Variants in CHL1 observed in about 807,000 individuals in gnomAD.
CHL1 encodes cell adhesion molecule L1 like, also known as neural cell adhesion molecule L1-like protein.
A neutral mutation model predicts 141.9 loss-of-function variants in CHL1; 96 were observed. The observed-to-expected ratio is 0.68, with a 90% CI of 0.57 to 0.80. The LOEUF (loss-of-function observed/expected upper bound fraction) is 0.80, where lower values mean the gene tolerates loss of function less well. CHL1 is among the 30% of genes least tolerant of loss of function. The pLI, the probability that CHL1 is intolerant of heterozygous loss-of-function variation, is 0.00. For synonymous variants in CHL1, 613 were observed against 502.2 expected (o/e 1.22, Z -2.95); for missense variants, 1,820 against 1,457.2 (o/e 1.25, Z -4.05).
At chr3:323,631 C>T (rs575470345) in intron 3 of CHL1, among the ~76,000 whole-genome samples, 26 of 152,196 alleles carry the variant, frequency 1.7e-4, no homozygotes, top group South Asian at 4.1e-4. Flanking sequence ...TATCTGTGTA[C>T]GGCTGGATTT....
chr3:224,509 T>G (rs1287714744), intron 1 of CHL1, among the ~76,000 whole-genome samples: 1 of 152,030 alleles, frequency 6.6e-6, no homozygotes, highest in Non-Finnish European at 1.5e-5. Context: ...TCTGGTTGTT[T>G]AAAAGTAGGT....
chr3:351,540 CT>C (rs1479613786), intron 10 of CHL1, among the ~76,000 whole-genome samples: 4 of 152,070 alleles, frequency 2.6e-5, no homozygotes, highest in Admixed American at 6.6e-5. Flanking sequence ...TTCTGCCTTC[CT>C]GCACCCTCTC....
chr3:245,442 G>C (rs1387439887), intron 2 of CHL1, among the ~76,000 whole-genome samples: 1 of 152,058 alleles, frequency 6.6e-6, no homozygotes, highest in Admixed American at 6.6e-5. Context: ...CACTGGGTTT[G>C]GTCCATAGCA....
At chr3:250,510 A>C (rs1315281309) in intron 2 of CHL1, among the ~76,000 whole-genome samples, 3 of 151,990 alleles carry the variant, frequency 2.0e-5, no homozygotes, top group African/African-American at 4.8e-5. Flanking sequence ...CTATCTCAGT[A>C]CTGAGTTTCT....
rs970572041 is a variant in CHL1, at chr3:398,938, T to C, written c.3254-79T>C. On this transcript the variant is annotated intron_variant, in intron 25 of 27. Transcript: ENST00000256509. Reference sequence around the variant, plus strand: ...TACTATTTGGTATGTTTAAAAATGATGTCTAATTTTCCCCAATGTTACAGA... The same window carrying C: ...TACTATTTGGTATGTTTAAAAATGACGTCTAATTTTCCCCAATGTTACAGA... 1.7e-5 allele frequency: 23 copies of C among 1,334,100 alleles called. No individual in the cohort carries two copies. In the South Asian group the frequency reaches 2.9e-4, roughly 17 times the overall value. 82.6% of individuals were successfully genotyped at this position (1,334,100 alleles called of 1,614,324 possible). A position where few individuals can be genotyped will look rare whatever the true frequency, so the allele number is the denominator to read the frequency against.
chr3:225,533 C>T lies in CHL1; in HGVS notation c.-174-19080C>T, dbSNP rs192570835. Among the ~76,000 whole-genome samples, 404 of 152,288 alleles carry T rather than the reference C, an allele frequency of 2.7e-3. 3 individuals carry two copies. Among genetic ancestry groups the T allele is most frequent in the African/African-American group, 9.4e-3 (391 of 41,554 alleles). ...GAATTAAGAATTAATTGTTAAAACA[C>T]ATCTTTATATTTCTTTATGAGACAA... On this transcript the variant is annotated intron_variant, in intron 1 of 27. Transcript: ENST00000256509.
Position 360,386 on chromosome 3 carries a change from A to G in CHL1, c.1268A>G (p.His423Arg), listed in dbSNP as rs774707111. ...AVYQCEASNV[H>R]GTILANANID... ...TACCAGTGTGAAGCCTCAAATGTCC[A>G]TGGAACTATCCTTGCCAATGCCAAT... Residue 423 changes from histidine to arginine, a missense_variant, in exon 12 of 28, where the codon CAT becomes CGT. By Grantham distance (29) the His-to-Arg change is conservative. Coordinates refer to ENST00000256509, the MANE Select transcript of CHL1 (RefSeq NM_006614.4). The G allele has an allele frequency of 8.1e-6, 13 of 1,613,766 alleles. No individual in the cohort carries two copies. The highest frequency in any genetic ancestry group is 6.7e-5 in the African/African-American group (5 of 74,892).
chr3:297,061 A>G (rs1473847290), intron 2 of CHL1, among the ~76,000 whole-genome samples: 1 of 152,002 alleles, frequency 6.6e-6, no homozygotes, highest in Non-Finnish European at 1.5e-5. Flanking sequence ...GGATGGGGAG[A>G]TAATACAAGG....
intron 2 of CHL1, among the ~76,000 whole-genome samples, chr3:303,681 G>A (rs1435324898): frequency 6.6e-6 from 1 of 152,158 alleles, no homozygotes; most frequent in African/African-American, 2.4e-5. Flanking sequence ...ACTCCAAACA[G>A]AGACAATTTG....
intron 2 of CHL1, among the ~76,000 whole-genome samples, chr3:295,542 C>T (rs943744160): frequency 1.3e-5 from 2 of 152,062 alleles, no homozygotes; most frequent in South Asian, 2.1e-4. Context: ...TAAAATGTTT[C>T]GTTCTTTGGA....
chr3:257,584 C>T (rs539410426), intron 2 of CHL1, among the ~76,000 whole-genome samples: 2 of 152,232 alleles, frequency 1.3e-5, no homozygotes, highest in South Asian at 2.1e-4. Context: ...AATTCCTAAC[C>T]TCAGGTGATC....
intron 1 of CHL1, among the ~76,000 whole-genome samples, chr3:221,960 C>T (rs963311592): frequency 6.6e-6 from 1 of 152,164 alleles, no homozygotes; most frequent in Non-Finnish European, 1.5e-5. Flanking sequence ...ACTTTTAACT[C>T]AGGCTTATGA....
intron 1 of CHL1, among the ~76,000 whole-genome samples, chr3:199,415 A>C (rs1356212984): frequency 1.3e-5 from 2 of 152,200 alleles, no homozygotes; most frequent in African/African-American, 4.8e-5. Flanking sequence ...CCTTTTCTTC[A>C]AAGAAACGGC....
At chr3:239,427 G>A (rs752369320) in intron 1 of CHL1, among the ~76,000 whole-genome samples, 1 of 152,012 alleles carries the variant, frequency 6.6e-6, no homozygotes, top group African/African-American at 2.4e-5. Context: ...CTCTGCTGCA[G>A]CATCTCTTTT....
intron 23 of CHL1, among the ~76,000 whole-genome samples, chr3:394,074 G>A (rs1393686650): frequency 6.6e-6 from 1 of 151,946 alleles, no homozygotes; most frequent in Non-Finnish European, 1.5e-5. Context: ...GTCTTTGCTG[G>A]GTTCCAAATT....
At chr3:325,862 TATC>T (rs1700966089) in intron 3 of CHL1, 94 bp from the exon 4 acceptor site, 1 of 676,168 alleles carries the variant, frequency 1.5e-6, no homozygotes, top group Admixed American at 2.8e-5. Flanking sequence ...TCCTTTCACT[TATC>T]AGTATACAAA....
chr3:295,784 G>A (rs941296955), intron 2 of CHL1, among the ~76,000 whole-genome samples: 7 of 152,138 alleles, frequency 4.6e-5, no homozygotes, highest in Admixed American at 1.3e-4. Flanking sequence ...TTGTACTTCC[G>A]TTACTATTAA....
chr3:241,278 T>G (rs1692531216), intron 1 of CHL1, among the ~76,000 whole-genome samples: 1 of 152,220 alleles, frequency 6.6e-6, no homozygotes, highest in Non-Finnish European at 1.5e-5. Context: ...AAATGTCTTG[T>G]GAAGCCAAGT....
chr3:359,203 G>C (rs1703988465), intron 11 of CHL1, among the ~76,000 whole-genome samples: 1 of 151,912 alleles, frequency 6.6e-6, no homozygotes. Context: ...GATCCATCGA[G>C]TTCTGAGCAG....
Sources: allele counts gnomAD v4.1 joint callset (sites outside exome capture counted in the v4.1 genomes callset), GRCh38; gene constraint gnomAD v4.1.1; transcripts MANE v1.5; gene names NCBI Gene and HGNC (gene_info 2026-07-23, HGNC 2026-07-21).